The following WDPCP variants were observed in gnomAD, a reference collection of about 807,000 sequenced individuals.
WDPCP encodes the protein WD repeat containing planar cell polarity effector.
In WDPCP, 71 loss-of-function variants were observed where a neutral mutation model predicts 93.1. The ratio of observed to expected loss-of-function variants is 0.76; its 90% confidence interval spans 0.63 to 0.93. WDPCP has a LOEUF of 0.93. Ranked by LOEUF, WDPCP falls within the 40% of genes least tolerant of loss-of-function variation. The pLI, the probability that WDPCP is intolerant of heterozygous loss-of-function variation, is 0.00. For synonymous variants in WDPCP, 315 were observed against 315.0 expected, an observed-to-expected ratio of 1.00 and a Z score of 0.00; for missense variants, 844 against 887.4, an observed-to-expected ratio of 0.95 and a Z score of 0.62.
At chr2:63,301,600 G>T (rs1685337003) in intron 13 of WDPCP, among the ~76,000 whole-genome samples, 1 of 152,090 alleles carries the variant, frequency 6.6e-6, no homozygotes, top group East Asian at 1.9e-4. Context: ...GAGCCACTTG[G>T]GTAAGCATGA....
At chr2:63,317,635 T>C (rs1429478627) in intron 12 of WDPCP, among the ~76,000 whole-genome samples, 1 of 152,124 alleles carries the variant, frequency 6.6e-6, no homozygotes, top group Non-Finnish European at 1.5e-5. Context: ...ATCTGATCTT[T>C]GACAAGATAG....
At chr2:63,793,872 G>T (rs1454450875) in intron 2 of WDPCP, among the ~76,000 whole-genome samples, 1 of 45,582 alleles carries the variant, frequency 2.2e-5, no homozygotes, top group African/African-American at 8.7e-5. Context: ...TACTTACATT[G>T]TGTGTGTGTG....
At chr2:63,308,361 AATAAC>A (rs1480368647) in intron 13 of WDPCP, among the ~76,000 whole-genome samples, 3 of 152,224 alleles carry the variant, frequency 2.0e-5, no homozygotes, top group Non-Finnish European at 4.4e-5. Flanking sequence ...TAGAACTAGA[AATAAC>A]ATGTGATCCA....
intron 14 of WDPCP, among the ~76,000 whole-genome samples, chr2:63,215,623 G>A (rs2104444898): frequency 6.6e-6 from 1 of 152,246 alleles, no homozygotes; most frequent in African/African-American, 2.4e-5. Flanking sequence ...GAAAACCTAG[G>A]CAGTACCATT....
Position 63,746,873 on chromosome 2 carries a change from T to G in WDPCP, n.308+66749A>C, listed in dbSNP as rs557077255. Among the ~76,000 whole-genome samples, 64 of 152,266 alleles carry G rather than the reference T, an allele frequency of 4.2e-4. No individual in the cohort carries two copies. In the South Asian group the frequency reaches 0.013, roughly 30 times the overall value. On this transcript the variant is annotated intron_variant and non_coding_transcript_variant, in intron 2 of 4. Transcript: ENST00000467687. ...CCTGACATTCTGCCTTGTGATCTTT[T>G]GTTGCCCTTGAGGCATGTGATCTCT... is the stretch of plus-strand genomic sequence containing the variant.
At chr2:63,644,091 G>T (rs748069443) in intron 3 of WDPCP, 1 of 344,878 alleles carries the variant, frequency 2.9e-6, no homozygotes, top group South Asian at 2.4e-5. Context: ...TTTTTAATCT[G>T]GTTTGTTAGT....
chr2:63,328,402 C>G (rs890816585), intron 12 of WDPCP, among the ~76,000 whole-genome samples: 11 of 152,280 alleles, frequency 7.2e-5, no homozygotes, highest in Middle Eastern at 3.4e-3. Context: ...GAGCTGTTAA[C>G]ACTTACTGCG....
Position 63,740,596 on chromosome 2 carries a change from T to C in WDPCP, n.308+73026A>G, listed in dbSNP as rs188004836. 1.8e-4 allele frequency among the ~76,000 whole-genome samples: 27 copies of C among 152,298 alleles called. No homozygotes were observed. The South Asian group carries it at 2.5e-3, about 14-fold the overall frequency. On this transcript the variant is annotated intron_variant and non_coding_transcript_variant, in intron 2 of 4. Transcript: ENST00000467687. Reference sequence around the variant, plus strand: ...ATCTGTTTGTTTTTAAGCCACAAAGTATATTATGAATGGGAAGATAATGAT... The same window carrying C: ...ATCTGTTTGTTTTTAAGCCACAAAGCATATTATGAATGGGAAGATAATGAT...
intron 2 of WDPCP, among the ~76,000 whole-genome samples, chr2:63,764,374 C>T (rs1256254496): frequency 6.6e-6 from 1 of 152,118 alleles, no homozygotes; most frequent in Non-Finnish European, 1.5e-5. Flanking sequence ...CCGTGGTGAC[C>T]TCTGATGCTG....
At chr2:63,236,076 G>C (rs970135652) in intron 14 of WDPCP, among the ~76,000 whole-genome samples, 1 of 152,160 alleles carries the variant, frequency 6.6e-6, no homozygotes, top group African/African-American at 2.4e-5. Context: ...TCTGTATGTA[G>C]AAAACCCTAA....
chr2:63,519,464 C>T (rs766353616), intron 1 of WDPCP, among the ~76,000 whole-genome samples: 1 of 152,228 alleles, frequency 6.6e-6, no homozygotes, highest in African/African-American at 2.4e-5. Flanking sequence ...ATGGATCCCA[C>T]TGACACTGCC....
chr2:63,297,347 A>G (rs1684948893), intron 13 of WDPCP, among the ~76,000 whole-genome samples: 1 of 152,156 alleles, frequency 6.6e-6, no homozygotes, highest in African/African-American at 2.4e-5. Flanking sequence ...TCACTCTTGG[A>G]TTCCTTAGCT....
intron 3 of WDPCP, among the ~76,000 whole-genome samples, chr2:63,637,301 G>A (rs1287716722): frequency 1.3e-5 from 2 of 150,788 alleles, no homozygotes; most frequent in African/African-American, 2.4e-5. Flanking sequence ...GCAGTGAGCC[G>A]AGATCATGCC....
At chr2:63,508,072 GA>G (rs2106061543) in intron 1 of WDPCP, among the ~76,000 whole-genome samples, 1 of 152,164 alleles carries the variant, frequency 6.6e-6, no homozygotes, top group Admixed American at 6.5e-5. Flanking sequence ...TCAAATTCAA[GA>G]AATACAGAGA....
At chr2:63,381,523 T>A (rs1330608298) in intron 11 of WDPCP, among the ~76,000 whole-genome samples, 1 of 152,078 alleles carries the variant, frequency 6.6e-6, no homozygotes, top group Non-Finnish European at 1.5e-5. Flanking sequence ...AATATTGATA[T>A]CTAATGTGAG....
chr2:63,196,222 C>A (rs1384009664), intron 14 of WDPCP, among the ~76,000 whole-genome samples: 1 of 152,176 alleles, frequency 6.6e-6, no homozygotes, highest in Non-Finnish European at 1.5e-5. Flanking sequence ...CCTGACGTTA[C>A]AAGAAAATGT....
intron 14 of WDPCP, among the ~76,000 whole-genome samples, chr2:63,182,727 C>A (rs1674338647): frequency 7.0e-6 from 1 of 142,154 alleles, no homozygotes; most frequent in Admixed American, 7.0e-5. Flanking sequence ...GGTACCAGTT[C>A]TTTGTAGATT....
chr2:63,728,167 G>A (rs1669516300), intron 2 of WDPCP, among the ~76,000 whole-genome samples: 1 of 152,178 alleles, frequency 6.6e-6, no homozygotes, highest in Non-Finnish European at 1.5e-5. Context: ...AAAGAAAAAA[G>A]AAGTTAGAGG....
At chr2:63,453,788 T>C (rs1198739306) in intron 6 of WDPCP, among the ~76,000 whole-genome samples, 1 of 151,800 alleles carries the variant, frequency 6.6e-6, no homozygotes, top group African/African-American at 2.4e-5. Context: ...GTGCATGTCC[T>C]TTGTAGGGAC....
Sources: allele counts gnomAD v4.1 joint callset (sites outside exome capture counted in the v4.1 genomes callset), GRCh38; gene constraint gnomAD v4.1.1; transcripts MANE v1.5; gene names NCBI Gene and HGNC (gene_info 2026-07-23, HGNC 2026-07-21).